Variants in CRYBG1 observed in about 807,000 individuals in gnomAD.
CRYBG1 encodes the protein beta/gamma crystallin domain-containing protein 1.
CRYBG1 carries 139 observed loss-of-function variants against 189.2 expected under a neutral mutation model. The observed-to-expected ratio is 0.73, with a 90% CI of 0.64 to 0.85. The LOEUF (loss-of-function observed/expected upper bound fraction) is 0.85. CRYBG1 is among the 40% of genes least tolerant of loss of function. CRYBG1 has a pLI of 0.00. For synonymous variants in CRYBG1, 1,023 were observed against 1,017.1 expected (o/e 1.01, Z -0.11); for missense variants, 2,611 against 2,675.8 (o/e 0.98, Z 0.53).
intron 2 of CRYBG1, among the ~76,000 whole-genome samples, chr6:106,475,143 A>G (rs958108362): frequency 6.6e-6 from 1 of 152,212 alleles, no homozygotes; most frequent in Non-Finnish European, 1.5e-5. Context: ...ATAAATATAT[A>G]AAAATCACCC....
chr6:106,416,487 A>T (rs1771023343), intron 1 of CRYBG1, among the ~76,000 whole-genome samples: 1 of 152,182 alleles, frequency 6.6e-6, no homozygotes, highest in African/African-American at 2.4e-5. Context: ...TGAGGTTAAA[A>T]ATGGGGCCTG....
At chr6:106,470,883 T>C (rs1772220557) in intron 2 of CRYBG1, among the ~76,000 whole-genome samples, 2 of 152,146 alleles carry the variant, frequency 1.3e-5, no homozygotes, top group African/African-American at 4.8e-5. Context: ...ATCAAGGGTG[T>C]TGGTGCCTAG....
chr6:106,364,629 TA>T (rs1256637436), intron 1 of CRYBG1, among the ~76,000 whole-genome samples: 2 of 152,356 alleles, frequency 1.3e-5, no homozygotes, highest in East Asian at 3.9e-4. Flanking sequence ...CTCTTGCCAT[TA>T]GAGGGTCTAG....
At chr6:106,568,026 C>T (rs886221641) in intron 21 of CRYBG1, among the ~76,000 whole-genome samples, 1 of 145,056 alleles carries the variant, frequency 6.9e-6, no homozygotes, top group Non-Finnish European at 1.5e-5. Context: ...AACCATTCCT[C>T]CCACCTTTCC....
intron 1 of CRYBG1, among the ~76,000 whole-genome samples, chr6:106,366,338 T>A (rs1771998270): frequency 6.6e-6 from 1 of 152,242 alleles, no homozygotes; most frequent in African/African-American, 2.4e-5. Context: ...AGTTTTAATT[T>A]TTAGGTTTAT....
At chr6:106,463,302 G>A (rs1019478695) in intron 2 of CRYBG1, among the ~76,000 whole-genome samples, 1 of 150,866 alleles carries the variant, frequency 6.6e-6, no homozygotes, top group African/African-American at 2.4e-5. Flanking sequence ...ATCACCACCA[G>A]CCTGAACTCA....
rs1774516772 is a variant in CRYBG1 at position 106,555,583 on chromosome 6, T to C, written c.5586-185T>C. 2.0e-5 allele frequency among the ~76,000 whole-genome samples: 3 copies of C among 152,186 alleles called. No individual in the cohort carries two copies. In the South Asian group the frequency reaches 6.2e-4, roughly 32 times the overall value. ...CCAAATGCAAAGTTAACTGACTTAT[T>C]ATGAATATTATTTTGCCACAAGCAG... is the stretch of plus-strand genomic sequence containing the variant. On this transcript the variant is annotated intron_variant, in intron 16 of 21. Transcript: ENST00000633556.
At chr6:106,363,191 T>C (rs952337332) in intron 1 of CRYBG1, among the ~76,000 whole-genome samples, 1 of 137,282 alleles carries the variant, frequency 7.3e-6, no homozygotes, top group Non-Finnish European at 1.5e-5. Flanking sequence ...TTGCAGTGAG[T>C]CGAGATCGCG....
intron 2 of CRYBG1, among the ~76,000 whole-genome samples, chr6:106,506,885 T>C (rs1449418310): frequency 6.6e-6 from 1 of 152,212 alleles, no homozygotes; most frequent in Non-Finnish European, 1.5e-5. Context: ...GATAGTCAAA[T>C]TTAGCAGAAT....
chr6:106,435,342 T>G (rs1472041844), intron 1 of CRYBG1, among the ~76,000 whole-genome samples: 1 of 152,078 alleles, frequency 6.6e-6, no homozygotes, highest in Non-Finnish European at 1.5e-5. Context: ...TGTTTTAAAT[T>G]TTTGTAGCAA....
rs776908173 is a variant in CRYBG1 at position 106,391,927 on chromosome 6, ACGTGTG to A, written c.173+30847_173+30852del. Among the ~76,000 whole-genome samples, 129 of 130,206 alleles carry A rather than the reference ACGTGTG, an allele frequency of 9.9e-4. 2 individuals carry two copies. Among genetic ancestry groups the A allele is most frequent in the East Asian group, 2.8e-3 (12 of 4,284 alleles). The allele number at this position is 130,206 out of a possible 152,430, so 85.4% of individuals were successfully genotyped here. On this transcript the variant is annotated intron_variant, in intron 1 of 21. Coordinates refer to ENST00000633556, the MANE Select transcript of CRYBG1 (RefSeq NM_001371242.2). ...CGTTTCCAAAAGCCTGTTGTTTAAA[ACGTGTG>A]TGTGTGTGTGTGTGTGTGTGTGTGT...
rs377083988 is a variant in CRYBG1 at position 106,512,653 on chromosome 6, C to A, written c.1536C>A (p.Pro512=). 6.3e-7 allele frequency: 1 copy of A among 1,583,294 alleles called. No homozygotes were observed. Among genetic ancestry groups the A allele is most frequent in the East Asian group, 2.3e-5 (1 of 43,506 alleles). The part of the protein sequence containing the change: ...RSKQPPPASS[P]TKRKGRSRAL... ...AACAGCCACCCCCGGCTTCGTCCCC[C>A]ACGAAGAGGAAGGGCAGGAGCCGTG... The change falls in exon 3 of 22, where the codon CCC becomes CCA. Residue 512 remains proline, a synonymous_variant. Transcript: ENST00000633556.
At chr6:106,384,072 C>T (rs908159825) in intron 1 of CRYBG1, among the ~76,000 whole-genome samples, 7 of 152,210 alleles carry the variant, frequency 4.6e-5, no homozygotes, top group Admixed American at 3.9e-4. Context: ...CAGCACAGCA[C>T]ATCACCTCTA....
At chr6:106,531,606 G>T (rs1773876961) in intron 8 of CRYBG1, among the ~76,000 whole-genome samples, 1 of 152,096 alleles carries the variant, frequency 6.6e-6, no homozygotes, top group African/African-American at 2.4e-5. Flanking sequence ...AGCTTTGTAG[G>T]GAAAGGAAAG....
At chr6:106,478,534 G>A (rs939888279) in intron 2 of CRYBG1, among the ~76,000 whole-genome samples, 2 of 152,324 alleles carry the variant, frequency 1.3e-5, no homozygotes. Flanking sequence ...TGTCCACATC[G>A]AAGGTATTTT....
intron 1 of CRYBG1, among the ~76,000 whole-genome samples, chr6:106,380,745 C>T (rs1253890944): frequency 6.6e-6 from 1 of 152,092 alleles, no homozygotes; most frequent in East Asian, 1.9e-4. Context: ...TTGTTCTGGT[C>T]TTAAAGTCTC....
intron 1 of CRYBG1, among the ~76,000 whole-genome samples, chr6:106,421,304 A>G (rs1025198000): frequency 6.6e-6 from 1 of 152,196 alleles, no homozygotes; most frequent in African/African-American, 2.4e-5. Context: ...GCTGGATGTG[A>G]ATGGCATGGG....
At chr6:106,566,199 TCAGA>T (rs1259895621) in intron 21 of CRYBG1, among the ~76,000 whole-genome samples, 2 of 150,172 alleles carry the variant, frequency 1.3e-5, no homozygotes, top group African/African-American at 2.4e-5. Context: ...CTCCTTGGCT[TCAGA>T]CAGTTTACGT....
chr6:106,403,398 A>G (rs1770760144), intron 1 of CRYBG1, among the ~76,000 whole-genome samples: 1 of 152,234 alleles, frequency 6.6e-6, no homozygotes, highest in Non-Finnish European at 1.5e-5. Context: ...GCTGCGTGGA[A>G]TAACATGATT....
Sources: allele counts gnomAD v4.1 joint callset (sites outside exome capture counted in the v4.1 genomes callset), GRCh38; gene constraint gnomAD v4.1.1; transcripts MANE v1.5; gene names NCBI Gene and HGNC (gene_info 2026-07-23, HGNC 2026-07-21).